Variants in MAP3K19 observed in about 807,000 individuals in gnomAD.
MAP3K19 encodes SPS1/STE20-related protein kinase YSK4.
Under a neutral mutation model 114.4 loss-of-function variants are expected in MAP3K19, and 91 were observed. That is an observed-to-expected ratio of 0.80 (90% CI 0.67 to 0.95). The LOEUF (loss-of-function observed/expected upper bound fraction) is 0.95. Ranked by LOEUF, MAP3K19 falls within the 40% of genes least tolerant of loss-of-function variation. The probability of loss-of-function intolerance (pLI) is 0.00; values close to 1 mark genes in which losing one functional copy is unlikely to be tolerated. For missense variants in MAP3K19, 1,471 were observed against 1,573.2 expected, an observed-to-expected ratio of 0.94 and a Z score of 1.10; for synonymous variants, 518 against 530.5, an observed-to-expected ratio of 0.98 and a Z score of 0.32.
intron 12 of MAP3K19, among the ~76,000 whole-genome samples, chr2:134,967,886 A>G (rs1462154107): frequency 7.1e-6 from 1 of 141,674 alleles, no homozygotes; most frequent in Non-Finnish European, 1.5e-5. Context: ...TTTATTGATC[A>G]TTCTTGGGTG....
chr2:135,009,118 AT>A (rs59038927), intron 5 of MAP3K19, among the ~76,000 whole-genome samples: 6,185 of 136,640 alleles, frequency 0.045, 372 homozygotes, highest in African/African-American at 0.14. Context: ...TGCCTGGCTA[AT>A]TTTTTTTTTT....
chr2:135,021,779 G>T lies in MAP3K19; in HGVS notation c.74C>A (p.Pro25Gln). The T allele has an allele frequency of 1.9e-6, 3 of 1,612,532 alleles. No homozygotes were observed. In the South Asian group the frequency reaches 3.3e-5, roughly 18 times the overall value. ...LDICHDTNSS[P>Q]TDLMTVTKNQ... ...TTTGGTAACTGTCATCAAATCAGTTGGAGAAGAGTTTGTATCATGACAAAT... is the reference window on the plus strand; with the variant it reads ...TTTGGTAACTGTCATCAAATCAGTTTGAGAAGAGTTTGTATCATGACAAAT... The change falls in exon 5 of 13, where the codon CCA becomes CAA. Residue 25 changes from proline to glutamine, a missense_variant. Pro to Gln is a moderately conservative substitution (Grantham distance 76, BLOSUM62 -1). Transcript: ENST00000392915.
intron 11 of MAP3K19, chr2:134,983,375 T>G (rs760251370): frequency 3.4e-6 from 2 of 596,266 alleles, no homozygotes; most frequent in Non-Finnish European, 6.6e-6. Context: ...ATTGAGTCAC[T>G]ATATGTGCCT....
chr2:134,968,173 G>T (rs1409603626), intron 12 of MAP3K19, among the ~76,000 whole-genome samples: 1 of 152,066 alleles, frequency 6.6e-6, no homozygotes, highest in Admixed American at 6.5e-5. Flanking sequence ...CACAGGGTTG[G>T]GGGTAAGGTC....
chr2:134,980,020 A>G (rs1684521660), intron 12 of MAP3K19, among the ~76,000 whole-genome samples: 1 of 152,172 alleles, frequency 6.6e-6, no homozygotes. Context: ...TACTTGAAAG[A>G]CAGGAAATTG....
rs986480678 is a variant in MAP3K19 at position 135,028,574 on chromosome 2, A to T, written c.-95+1738T>A. ...CTCTGTCTCAAAAAAAAAAAAAAAA[A>T]TTTAAAAAAAACAACTAACTTACCT... On this transcript the variant is annotated intron_variant, in intron 3 of 12. Transcript: ENST00000392915. Among the ~76,000 whole-genome samples the T allele has an allele frequency of 2.1e-3, 307 of 148,524 alleles. 1 individual carries two copies. Among genetic ancestry groups the T allele is most frequent in the African/African-American group, 6.9e-3 (272 of 39,578 alleles).
At chr2:135,010,310 G>A (rs1188062293) in intron 5 of MAP3K19, among the ~76,000 whole-genome samples, 1 of 152,188 alleles carries the variant, frequency 6.6e-6, no homozygotes, top group African/African-American at 2.4e-5. Flanking sequence ...TGAAGGTGAT[G>A]ACGGAAGTGA....
At chr2:135,011,954 G>A (rs192197289) in intron 5 of MAP3K19, among the ~76,000 whole-genome samples, 5 of 152,192 alleles carry the variant, frequency 3.3e-5, no homozygotes, top group Admixed American at 3.3e-4. Flanking sequence ...GATATAGTTA[G>A]TCCTTTTAAA....
chr2:134,984,963 A>C (rs909074180), intron 10 of MAP3K19, among the ~76,000 whole-genome samples: 2 of 152,208 alleles, frequency 1.3e-5, no homozygotes, highest in African/African-American at 4.8e-5. Flanking sequence ...AAAAAAAATT[A>C]TTCCTGATCC....
At chr2:135,006,643 C>T (rs766679664) in intron 5 of MAP3K19, among the ~76,000 whole-genome samples, 14 of 151,474 alleles carry the variant, frequency 9.2e-5, no homozygotes, top group Non-Finnish European at 1.5e-4. Context: ...AACCCTGTCT[C>T]TACTGAAAAT....
chr2:135,030,651 T>C (rs991424785), intron 2 of MAP3K19, among the ~76,000 whole-genome samples, 151 bp from the exon 3 acceptor site: 2 of 152,250 alleles, frequency 1.3e-5, no homozygotes. Context: ...AAAATCTCCA[T>C]GACATGCATG....
At chr2:135,039,131 T>C (rs1038604075) in intron 2 of MAP3K19, among the ~76,000 whole-genome samples, 1 of 150,876 alleles carries the variant, frequency 6.6e-6, no homozygotes, top group African/African-American at 2.4e-5. Flanking sequence ...TTCTTTTTTT[T>C]TTTTTTTTTT....
intron 12 of MAP3K19, among the ~76,000 whole-genome samples, chr2:134,968,401 G>A (rs112223262): frequency 9.1e-5 from 13 of 143,426 alleles, no homozygotes; most frequent in Admixed American, 4.1e-4. Context: ...GGTGGTGGCC[G>A]GGCAGAGGGG....
Position 134,987,566 on chromosome 2 carries a change from C to A in MAP3K19, c.1306G>T (p.Glu436Ter), listed in dbSNP as rs147939837. The stretch of plus-strand genomic sequence containing the variant: ...GATAAGCTTTTAAGTACAGTACACT[C>A]TTCTAAAATATTGTTTGGTTCCATT... The part of the protein sequence containing the change: ...EAMEPNNILE[E>*]CTVLKSLSSV... The change falls in exon 10 of 13, where the codon GAG (glutamate) becomes TAG (stop). Residue 436 changes from glutamate to a stop codon, truncating the protein, a stop_gained. Transcript: ENST00000392915. LOFTEE classifies it high-confidence loss of function. 14 of 1,614,064 alleles carry A rather than the reference C, an allele frequency of 8.7e-6. No homozygotes were observed. Among genetic ancestry groups the A allele is most frequent in the African/African-American group, 1.3e-5 (1 of 74,944 alleles).
chr2:134,980,046 C>T (rs1684523475), intron 12 of MAP3K19, among the ~76,000 whole-genome samples: 1 of 152,268 alleles, frequency 6.6e-6, no homozygotes, highest in Middle Eastern at 3.4e-3. Flanking sequence ...GAGTCTCAGG[C>T]CTTTCTTGTC....
At chr2:135,034,563 C>T (rs1688482340) in intron 2 of MAP3K19, among the ~76,000 whole-genome samples, 1 of 130,164 alleles carries the variant, frequency 7.7e-6, no homozygotes, top group South Asian at 2.8e-4. Flanking sequence ...CCCGGCACCT[C>T]GGGAGGCCGA....
rs1688760081 is a variant in MAP3K19 at position 135,047,108 on chromosome 2, G to C, written c.-424+77C>G. 7 of 152,122 alleles carry C rather than the reference G, an allele frequency of 4.6e-5. No individual in the cohort carries two copies. In the South Asian group the frequency reaches 1.4e-3, roughly 32 times the overall value. 9.4% of individuals were successfully genotyped at this position (152,122 alleles called of 1,614,324 possible). On this transcript the variant is annotated intron_variant, in intron 1 of 12. Coordinates refer to ENST00000392915, the MANE Select transcript of MAP3K19 (RefSeq NM_025052.5). ...CAGTTTACCAGGCATTCCTCCTCTG[G>C]GACATCCTTTGGGGAGTAAAAAAGT...
Position 135,032,356 on chromosome 2 carries a change from G to GA in MAP3K19, c.-283-1857dup, listed in dbSNP as rs760579264. ...TGGGTGACAGAGTGAGACTCTGTCT[G>GA]AAAAAAAAAAAAAAAAAGAAAAGAA... On this transcript the variant is annotated intron_variant, in intron 2 of 12. Coordinates refer to ENST00000392915, the MANE Select transcript of MAP3K19 (RefSeq NM_025052.5). Among the ~76,000 whole-genome samples the GA allele has an allele frequency of 7.6e-3, 544 of 72,040 alleles. 3 individuals are homozygous for GA. The highest frequency in any genetic ancestry group is 0.021 in the South Asian group (38 of 1,786). The allele number at this position is 72,040 out of a possible 152,430, so 47.3% of individuals were successfully genotyped here. A position where few individuals can be genotyped will look rare whatever the true frequency, so the allele number is the denominator to read the frequency against.
At chr2:135,001,877 C>T (rs192120133) in intron 6 of MAP3K19, among the ~76,000 whole-genome samples, 54 of 152,324 alleles carry the variant, frequency 3.5e-4, no homozygotes, top group African/African-American at 1.2e-3. Context: ...ATATAACAAG[C>T]ACATGTAAGA....
Sources: allele counts gnomAD v4.1 joint callset (sites outside exome capture counted in the v4.1 genomes callset), GRCh38; gene constraint gnomAD v4.1.1; transcripts MANE v1.5; gene names NCBI Gene and HGNC (gene_info 2026-07-23, HGNC 2026-07-21).